The following SPEG variants were observed in gnomAD, a reference collection of about 807,000 sequenced individuals.
The protein encoded by SPEG is striated muscle enriched protein kinase, also known as striated muscle preferentially expressed protein kinase.
SPEG carries 114 observed loss-of-function variants against 300.4 expected under a neutral mutation model. The observed-to-expected ratio is 0.38, with a 90% CI of 0.33 to 0.44. SPEG has a LOEUF of 0.44. SPEG is among the 20% of genes least tolerant of loss of function. The pLI is 1.00. For missense variants in SPEG, 4,201 were observed against 4,586.2 expected (o/e 0.92, Z 2.43); for synonymous variants, 1,964 against 2,018.9 (o/e 0.97, Z 0.73).
At position 219,448,823 on chromosome 2, in the gene SPEG, G is replaced by A; in HGVS notation, c.1665G>A (p.Pro555=). ...CCGTGAGCCCCGCCGCCGCCCAGCC[G>A]CCCTCTCCGAGCAGCGCGGAGAAGC... ...SRAVSPAAAQ[P]PSPSSAEKPG... is the part of the protein sequence containing the mutation. The change falls in exon 4 of 41, where the codon CCG becomes CCA. Residue 555 remains proline, a synonymous_variant. Transcript: ENST00000312358. The A allele has an allele frequency of 1.4e-6, 2 of 1,400,144 alleles. No individual in the cohort carries two copies. Among genetic ancestry groups the A allele is most frequent in the Non-Finnish European group, 1.8e-6 (2 of 1,085,214 alleles). 86.7% of individuals were successfully genotyped at this position (1,400,144 alleles called of 1,614,324 possible). A position where few individuals can be genotyped will look rare whatever the true frequency, so the allele number is the denominator to read the frequency against.
At chr2:219,467,471 C>A (rs1178992633) in intron 10 of SPEG, 37 bp downstream of exon 10, 2 of 1,572,064 alleles carry the variant, frequency 1.3e-6, no homozygotes, top group South Asian at 2.3e-5. Context: ...GCCGTGGGTG[C>A]CCAAGAGCTG....
chr2:219,488,526 A>T lies in SPEG; in HGVS notation c.7887A>T (p.Ser2629=). The change falls in exon 33 of 41, where the codon TCA becomes TCT. Residue 2629 remains serine (S), a synonymous_variant. Transcript: ENST00000312358. ...KDKKSLRSEP[S]VIIVSCKDGR... ...AGAAGTCCTTGAGGTCAGAGCCCTC[A>T]GTGATCATCGTGTCCTGCAAAGATG... 1.3e-6 allele frequency: 2 copies of T among 1,597,016 alleles called. No homozygotes were observed. The highest frequency in any genetic ancestry group is 1.7e-6 in the Non-Finnish European group (2 of 1,171,358).
rs1288236975 is a variant in SPEG, at chr2:219,451,080, G to A, written c.2114-56G>A. The A allele has an allele frequency of 6.8e-6, 10 of 1,473,068 alleles. No individual in the cohort carries two copies. Among genetic ancestry groups the A allele is most frequent in the Middle Eastern group, 1.8e-4 (1 of 5,504 alleles). 91.2% of individuals were successfully genotyped at this position (1,473,068 alleles called of 1,614,324 possible). On this transcript the variant is annotated intron_variant, in intron 4 of 40. Transcript: ENST00000312358. This position sits in a 1 kb window ranked among gnomAD's most constrained non-coding sequence, Gnocchi z 6.4. ...GCAGGCCACCAGGACTCTCTCTCCC[G>A]CTGTCATCCCTGCAGGGATCATGGC...
In SPEG at chr2:219,487,505, C is replaced by T. The variant is rs147471897; in HGVS notation, c.7742-689C>T. On this transcript the variant is annotated intron_variant, in intron 31 of 40. Transcript: ENST00000312358. ...CTTGATTTACAGATTAGAAATGGAG[C>T]TTCTGAGAGAGTAAATGACTTGCCC... Among the ~76,000 whole-genome samples, 70 of 152,306 alleles carry T rather than the reference C, an allele frequency of 4.6e-4. 1 individual carries two copies. The East Asian group carries it at 0.013, about 28-fold the overall frequency.
chr2:219,490,405 A>G lies in SPEG; in HGVS notation c.8922-4A>G, dbSNP rs1048088356. 6.2e-7 allele frequency: 1 copy of G among 1,607,862 alleles called. No individual in the cohort carries two copies. The highest frequency in any genetic ancestry group is 1.3e-5 in the African/African-American group (1 of 74,812). On this transcript the variant is annotated splice_region_variant and splice_polypyrimidine_tract_variant and intron_variant, in intron 36 of 40. Coordinates refer to ENST00000312358, the MANE Select transcript of SPEG (RefSeq NM_005876.5). ...CCGGTGGTGTCCCTCCCCCCGACAC[A>G]CAGGGGCCGCTTTGGTGTTGTGCGA...
chr2:219,471,100 G>A (rs557727156), intron 13 of SPEG, among the ~76,000 whole-genome samples: 7 of 152,196 alleles, frequency 4.6e-5, no homozygotes, highest in African/African-American at 7.2e-5. Context: ...AGTGCCCATC[G>A]ATGTGCAGGC....
chr2:219,466,722 T>C (rs1284433293), intron 9 of SPEG: 1 of 1,000,686 alleles, frequency 1.0e-6, no homozygotes, highest in East Asian at 1.1e-4. Flanking sequence ...TCCTTCTCTG[T>C]CAGGGCTGGG....
chr2:219,453,176 C>T (rs879858737), intron 6 of SPEG, among the ~76,000 whole-genome samples: 1 of 152,118 alleles, frequency 6.6e-6, no homozygotes, highest in African/African-American at 2.4e-5. Flanking sequence ...TGAAATTTGG[C>T]GAGGGGTGGG....
At position 219,464,693 on chromosome 2, in the gene SPEG, G is replaced by A; in HGVS notation, c.2881+85G>A. On this transcript the variant is annotated intron_variant, in intron 9 of 40. Coordinates refer to ENST00000312358, the MANE Select transcript of SPEG (RefSeq NM_005876.5). The surrounding 1 kb of genome is among the most constrained non-coding windows in gnomAD (Gnocchi z 4.5). ...GTCTGCTCTCACACAGCCTCAGTTA[G>A]AGGATGCCACCACTGAAAGGGCCTT... The A allele has an allele frequency of 7.1e-7, 1 of 1,411,144 alleles. No homozygotes were observed. The allele number at this position is 1,411,144 out of a possible 1,614,324, so 87.4% of individuals were successfully genotyped here.
At chr2:219,482,088 T>C (rs1429486330) in intron 28 of SPEG, 2 of 254,910 alleles carry the variant, frequency 7.8e-6, no homozygotes, top group Non-Finnish European at 7.6e-6. Context: ...ATGAGCTTCA[T>C]GTGAGCAGGT....
At position 219,490,811 on chromosome 2, in the gene SPEG, C is replaced by T. The variant is rs56181765; in HGVS notation, c.9240C>T (p.His3080=). The change falls in exon 38 of 41, where the codon CAC becomes CAT. Residue 3080 remains histidine (H), a synonymous_variant. Coordinates refer to ENST00000312358, the MANE Select transcript of SPEG (RefSeq NM_005876.5). ...LQGLDYLHGH[H]VLHLDIKPDN... is the part of the protein sequence containing the mutation. ...GCCTGGACTACCTCCACGGCCACCA[C>T]GTGCTCCACCTAGACATCAAGCCAG... 52 of 1,613,996 alleles carry T rather than the reference C, an allele frequency of 3.2e-5. No individual in the cohort carries two copies. Among genetic ancestry groups the T allele is most frequent in the Middle Eastern group, 1.6e-4 (1 of 6,084 alleles).
In SPEG at chr2:219,447,978, G is replaced by A. The variant is rs766708598; in HGVS notation, c.820G>A (p.Val274Ile). The A allele has an allele frequency of 3.1e-6, 5 of 1,612,260 alleles. No homozygotes were observed. Among genetic ancestry groups the A allele is most frequent in the Non-Finnish European group, 4.2e-6 (5 of 1,179,780 alleles). Residue 274 changes from valine to isoleucine, a missense_variant, in exon 4 of 41, where the codon GTC (valine) becomes ATC (isoleucine). Transcript: ENST00000312358. ...TTCTCCATCTTGGTTCTGCAGCAGC[G>A]TCCCTCAGAGCGGGTTGCGCAGGGA... is the stretch of plus-strand genomic sequence containing the variant. ...RGRALSIHVS[V>I]PQSGLRREEP...
rs117122843 is a variant in SPEG, at chr2:219,485,327, C to A, written c.7610-19C>A. On this transcript the variant is annotated intron_variant, in intron 30 of 40. Coordinates refer to ENST00000312358, the MANE Select transcript of SPEG (RefSeq NM_005876.5). ...CTGGTACTGACTGAACAAATACTCA[C>A]GGGCCTGAGTCTTCACAGCCCCAGG... The A allele has an allele frequency of 6.1e-4, 973 of 1,597,856 alleles. 10 individuals carry two copies. In the East Asian group the frequency reaches 0.019, roughly 31 times the overall value.
chr2:219,439,763 G>C lies in SPEG; in HGVS notation c.388+4398G>C, dbSNP rs1442699310. Among the ~76,000 whole-genome samples, 2 of 152,164 alleles carry C rather than the reference G, an allele frequency of 1.3e-5. No individual in the cohort carries two copies. The highest frequency in any genetic ancestry group is 3.2e-3 in the Middle Eastern group (1 of 316). On this transcript the variant is annotated intron_variant, in intron 1 of 40. Coordinates refer to ENST00000312358, the MANE Select transcript of SPEG (RefSeq NM_005876.5). This position sits in a 1 kb window ranked among gnomAD's most constrained non-coding sequence, Gnocchi z 4.5. ...ATCCTGCCGGCCCCTCCTGGGCCCA[G>C]CTGTCCCGTCACTCACGCCCGCTGC...
At position 219,451,304 on chromosome 2, in the gene SPEG, T is replaced by C; in HGVS notation, c.2257+25T>C. The C allele has an allele frequency of 6.3e-7, 1 of 1,584,048 alleles. No homozygotes were observed. ...GGTGAGCTCCAGCACTGGGCCAAGGTGCGGTCGAGGTTGGGAGGGGGTGTG... is the reference window on the plus strand; with the variant it reads ...GGTGAGCTCCAGCACTGGGCCAAGGCGCGGTCGAGGTTGGGAGGGGGTGTG... On this transcript the variant is annotated intron_variant, in intron 5 of 40. Transcript: ENST00000312358. This position sits in a 1 kb window ranked among gnomAD's most constrained non-coding sequence, Gnocchi z 6.4.
chr2:219,464,153 C>T lies in SPEG; in HGVS notation c.2706-280C>T, dbSNP rs1691028429. On this transcript the variant is annotated intron_variant, in intron 8 of 40. Coordinates refer to ENST00000312358, the MANE Select transcript of SPEG (RefSeq NM_005876.5). The surrounding 1 kb of genome is among the most constrained non-coding windows in gnomAD (Gnocchi z 4.5). Reference sequence around the variant, plus strand: ...AAAAAAAAAAGACAAGAAAAAAGAGCTAAATAGCACGGCTCCACTCTGAAT... The same window carrying T: ...AAAAAAAAAAGACAAGAAAAAAGAGTTAAATAGCACGGCTCCACTCTGAAT... Among the ~76,000 whole-genome samples, 1 of 150,398 alleles carries T rather than the reference C, an allele frequency of 6.6e-6. No individual in the cohort carries two copies. The highest frequency in any genetic ancestry group is 6.6e-5 in the Admixed American group (1 of 15,080).
At chr2:219,488,359 G>C in intron 32 of SPEG, 49 bp downstream of exon 32, 1 of 1,532,574 alleles carries the variant, frequency 6.5e-7, no homozygotes, top group East Asian at 2.3e-5. Context: ...AAGTGGCCCT[G>C]AGCCCAGGGG....
At chr2:219,462,941 A>C (rs909507591) in intron 8 of SPEG, among the ~76,000 whole-genome samples, 3 of 152,140 alleles carry the variant, frequency 2.0e-5, no homozygotes, top group Non-Finnish European at 2.9e-5. Flanking sequence ...CCCCCTTCCC[A>C]AAATTAGCAA....
intron 28 of SPEG, chr2:219,482,540 G>A (rs950678483): frequency 3.9e-6 from 2 of 517,448 alleles, no homozygotes; most frequent in African/African-American, 1.9e-5. Context: ...GCCTACCTAG[G>A]GGAGCCACCA....
Sources: allele counts gnomAD v4.1 joint callset (sites outside exome capture counted in the v4.1 genomes callset), GRCh38; gene constraint gnomAD v4.1.1; non-coding constraint Gnocchi (gnomAD v3.1); transcripts MANE v1.5; gene names NCBI Gene and HGNC (gene_info 2026-07-23, HGNC 2026-07-21).